Variants in RNF187 observed in about 807,000 individuals in gnomAD.
RNF187 encodes the protein E3 ubiquitin-protein ligase RNF187.
A neutral mutation model predicts 22.2 loss-of-function variants in RNF187; 18 were observed. The observed-to-expected ratio is 0.81, with a 90% CI of 0.56 to 1.20. The LOEUF (loss-of-function observed/expected upper bound fraction) is 1.20. Ranked by LOEUF, RNF187 falls within the 50% of genes most tolerant of loss-of-function variation. The pLI is 0.00. For missense variants in RNF187, 329 were observed against 317.6 expected (o/e 1.04, Z -0.27); for synonymous variants, 164 against 140.9 (o/e 1.16, Z -1.16).
chr1:228,493,793 C>G lies in RNF187; in HGVS notation c.706-90C>G. On this transcript the variant is annotated intron_variant, in intron 3 of 3. Coordinates refer to ENST00000305943, the MANE Select transcript of RNF187 (RefSeq NM_001010858.3). This position sits in a 1 kb window ranked among gnomAD's most constrained non-coding sequence, Gnocchi z 4.7. ...ATGCGCTGTCTCATGTGCGCTCTCTCTTTCGCTCTCTCCTTTTGCCTCTGT... is the reference window on the plus strand; with the variant it reads ...ATGCGCTGTCTCATGTGCGCTCTCTGTTTCGCTCTCTCCTTTTGCCTCTGT... 1 of 1,397,608 alleles carries G rather than the reference C, an allele frequency of 7.2e-7. No individual in the cohort carries two copies. Among genetic ancestry groups the G allele is most frequent in the South Asian group, 1.2e-5 (1 of 81,018 alleles). 86.6% of individuals were successfully genotyped at this position (1,397,608 alleles called of 1,614,324 possible).
chr1:228,488,952 C>T lies in RNF187; in HGVS notation c.391-8C>T. On this transcript the variant is annotated splice_polypyrimidine_tract_variant and splice_region_variant and intron_variant, in intron 1 of 3. Coordinates refer to ENST00000305943, the MANE Select transcript of RNF187 (RefSeq NM_001010858.3). ...TGCCCACCCCTGGTGACCTTCTTTT[C>T]TTTACAGGAGAACAAGGGGTCTGTG... 6.4e-7 allele frequency: 1 copy of T among 1,550,812 alleles called. No individual in the cohort carries two copies.
Position 228,493,824 on chromosome 1 carries a change from ACT to A in RNF187, c.706-56_706-55del. The A allele has an allele frequency of 6.5e-7, 1 of 1,528,344 alleles. No homozygotes were observed. Among genetic ancestry groups the A allele is most frequent in the Non-Finnish European group, 8.9e-7 (1 of 1,126,282 alleles). 94.7% of individuals were successfully genotyped at this position (1,528,344 alleles called of 1,614,324 possible). A position where few individuals can be genotyped will look rare whatever the true frequency, so the allele number is the denominator to read the frequency against. On this transcript the variant is annotated intron_variant, in intron 3 of 3. Transcript: ENST00000305943. The surrounding 1 kb of genome is among the most constrained non-coding windows in gnomAD (Gnocchi z 4.7). ...CTCTCTCCTTTTGCCTCTGTCTCTGACTCTGTGTGTCTCTTTCTCTTTTTGTC... is the reference window on the plus strand; with the variant it reads ...CTCTCTCCTTTTGCCTCTGTCTCTGACTGTGTGTCTCTTTCTCTTTTTGTC...
Position 228,493,778 on chromosome 1 carries a change from T to C in RNF187, c.706-105T>C. 8.1e-7 allele frequency: 1 copy of C among 1,232,106 alleles called. No homozygotes were observed. The highest frequency in any genetic ancestry group is 1.2e-6 in the Non-Finnish European group (1 of 857,356). 76.3% of individuals were successfully genotyped at this position (1,232,106 alleles called of 1,614,324 possible). A position where few individuals can be genotyped will look rare whatever the true frequency, so the allele number is the denominator to read the frequency against. On this transcript the variant is annotated intron_variant, in intron 3 of 3. Coordinates refer to ENST00000305943, the MANE Select transcript of RNF187 (RefSeq NM_001010858.3). The surrounding 1 kb of genome is among the most constrained non-coding windows in gnomAD (Gnocchi z 4.7). ...TCAGGACAGTACCTCATGCGCTGTC[T>C]CATGTGCGCTCTCTCTTTCGCTCTC...
chr1:228,487,422 C>T lies in RNF187; in HGVS notation c.-67C>T, dbSNP rs1658857750. On this transcript the variant is annotated 5_prime_UTR_variant, in exon 1 of 4. Coordinates refer to ENST00000305943, the MANE Select transcript of RNF187 (RefSeq NM_001010858.3). ...CTGTTGCTGGTCTCCGTCCGGTCGC[C>T]GGCCGTCTAGGTCTCCGGCCCTCCC... The T allele has an allele frequency of 3.7e-6, 4 of 1,081,976 alleles. No homozygotes were observed. Among genetic ancestry groups the T allele is most frequent in the South Asian group, 8.9e-5 (2 of 22,444 alleles). 67.0% of individuals were successfully genotyped at this position (1,081,976 alleles called of 1,614,324 possible).
chr1:228,492,964 G>A, intron 2 of RNF187, 89 bp from the exon 3 acceptor site: 2 of 1,379,328 alleles, frequency 1.4e-6, no homozygotes, highest in African/African-American at 1.5e-5. Flanking sequence ...GGAGTGGCAT[G>A]TTCTTAACTC....
In RNF187 at chr1:228,495,713, G is replaced by A; in HGVS notation, c.*1828G>A. On this transcript the variant is annotated 3_prime_UTR_variant, in exon 4 of 4. Transcript: ENST00000305943. ...TAGCTGACCAGCAACATCCCACCCT[G>A]TCAATCACAACCTCTTTCTATTTAA... 1 of 985,446 alleles carries A rather than the reference G, an allele frequency of 1.0e-6. No homozygotes were observed. Among genetic ancestry groups the A allele is most frequent in the African/African-American group, 1.7e-5 (1 of 57,204 alleles). 61.0% of individuals were successfully genotyped at this position (985,446 alleles called of 1,614,324 possible).
chr1:228,490,029 C>CT, intron 2 of RNF187, among the ~76,000 whole-genome samples: 23 of 152,218 alleles, frequency 1.5e-4, no homozygotes, highest in Admixed American at 1.4e-3. Context: ...CGTTTAAACT[C>CT]TATTTGGTGA....
intron 2 of RNF187, among the ~76,000 whole-genome samples, chr1:228,490,124 G>C: frequency 6.6e-6 from 1 of 152,230 alleles, no homozygotes; most frequent in Non-Finnish European, 1.5e-5. Flanking sequence ...CTGAAAGACA[G>C]AGTGCTTTTC....
Position 228,494,832 on chromosome 1 carries a change from C to T in RNF187, c.*947C>T. On this transcript the variant is annotated 3_prime_UTR_variant, in exon 4 of 4. Transcript: ENST00000305943. ...GACAGTTGTTGAGATTTGGGGATAG[C>T]CGGGCTTGTGAGCGGTGCCCATTTC... 1 of 985,476 alleles carries T rather than the reference C, an allele frequency of 1.0e-6. No individual in the cohort carries two copies. Among genetic ancestry groups the T allele is most frequent in the Non-Finnish European group, 1.2e-6 (1 of 829,978 alleles). The allele number at this position is 985,476 out of a possible 1,614,324, so 61.0% of individuals were successfully genotyped here. A position where few individuals can be genotyped will look rare whatever the true frequency, so the allele number is the denominator to read the frequency against.
Position 228,494,560 on chromosome 1 carries a change from TTCTC to T in RNF187, c.*677_*680del. On this transcript the variant is annotated 3_prime_UTR_variant, in exon 4 of 4. Coordinates refer to ENST00000305943, the MANE Select transcript of RNF187 (RefSeq NM_001010858.3). ...CCTGCCTCCGCAGAAGGAAGCCTCT[TTCTC>T]TGTTTCCCTGGGTGAGGGGGCTGGC... The T allele has an allele frequency of 2.0e-6, 2 of 985,812 alleles. No homozygotes were observed. Among genetic ancestry groups the T allele is most frequent in the East Asian group, 1.1e-4 (1 of 8,800 alleles). 61.1% of individuals were successfully genotyped at this position (985,812 alleles called of 1,614,324 possible). A position where few individuals can be genotyped will look rare whatever the true frequency, so the allele number is the denominator to read the frequency against.
Position 228,487,448 on chromosome 1 carries a change from C to T in RNF187, c.-41C>T. On this transcript the variant is annotated 5_prime_UTR_variant, in exon 1 of 4. Coordinates refer to ENST00000305943, the MANE Select transcript of RNF187 (RefSeq NM_001010858.3). The stretch of plus-strand genomic sequence containing the variant: ...GGCCGTCTAGGTCTCCGGCCCTCCC[C>T]AGCCGCTCCTGCGCCCTTGCCGGCC... 1 of 1,100,812 alleles carries T rather than the reference C, an allele frequency of 9.1e-7. No homozygotes were observed. Among genetic ancestry groups the T allele is most frequent in the Non-Finnish European group, 1.1e-6 (1 of 905,996 alleles). 68.2% of individuals were successfully genotyped at this position (1,100,812 alleles called of 1,614,324 possible).
chr1:228,495,633 A>T lies in RNF187; in HGVS notation c.*1748A>T. On this transcript the variant is annotated 3_prime_UTR_variant, in exon 4 of 4. Coordinates refer to ENST00000305943, the MANE Select transcript of RNF187 (RefSeq NM_001010858.3). ...TCCTGATGGCAGAGTCTCCCACAAC[A>T]TCAGTGTCTCCACATCACCAGGTCC... 8 of 985,384 alleles carry T rather than the reference A, an allele frequency of 8.1e-6. No individual in the cohort carries two copies. Among genetic ancestry groups the T allele is most frequent in the Non-Finnish European group, 9.6e-6 (8 of 829,950 alleles). The allele number at this position is 985,384 out of a possible 1,614,324, so 61.0% of individuals were successfully genotyped here.
Position 228,494,213 on chromosome 1 carries a change from T to C in RNF187, c.*328T>C. ...CCTGGTCACCCATCTGCCCCTCACC[T>C]CGTCATCCAGGGACCCAGACCCTGC... On this transcript the variant is annotated 3_prime_UTR_variant, in exon 4 of 4. Coordinates refer to ENST00000305943, the MANE Select transcript of RNF187 (RefSeq NM_001010858.3). 2.3e-6 allele frequency: 2 copies of C among 880,692 alleles called. No homozygotes were observed. Among genetic ancestry groups the C allele is most frequent in the Non-Finnish European group, 2.7e-6 (2 of 728,790 alleles). 54.6% of individuals were successfully genotyped at this position (880,692 alleles called of 1,614,324 possible).
At chr1:228,489,146 T>A in intron 2 of RNF187, 94 bp downstream of exon 2, 1 of 1,013,762 alleles carries the variant, frequency 9.9e-7, no homozygotes, top group Non-Finnish European at 1.5e-6. Flanking sequence ...GCCAGGCCTC[T>A]GAACTGCTCA....
rs140827310 is a variant in RNF187, at chr1:228,489,008, C to T, written c.439C>T (p.Arg147Trp). 3.9e-6 allele frequency: 6 copies of T among 1,550,600 alleles called. No homozygotes were observed. The highest frequency in any genetic ancestry group is 2.7e-5 in the African/African-American group (2 of 73,114). Residue 147 changes from arginine to tryptophan, a missense_variant, in exon 2 of 4, where the codon CGG becomes TGG. Coordinates refer to ENST00000305943, the MANE Select transcript of RNF187 (RefSeq NM_001010858.3). ...CATGAGAAAGGACTTGAATGACGCC[C>T]GGGACCTGCATGGCCAGGCAGAGTC...
intron 2 of RNF187, among the ~76,000 whole-genome samples, chr1:228,491,639 C>T: frequency 2.6e-5 from 4 of 151,952 alleles, no homozygotes; most frequent in African/African-American, 7.3e-5. Flanking sequence ...GGGGTTTCAC[C>T]ATGTTGGCCA....
At position 228,493,462 on chromosome 1, in the gene RNF187, A is replaced by G; in HGVS notation, c.705+188A>G. 6.6e-6 allele frequency among the ~76,000 whole-genome samples: 1 copy of G among 152,212 alleles called. No individual in the cohort carries two copies. Among genetic ancestry groups the G allele is most frequent in the African/African-American group, 2.4e-5 (1 of 41,460 alleles). On this transcript the variant is annotated intron_variant, in intron 3 of 3. Transcript: ENST00000305943. This position sits in a 1 kb window ranked among gnomAD's most constrained non-coding sequence, Gnocchi z 4.7. ...GGGAAGGTGATGGGAAGGGGTTTTA[A>G]GTTGAGGAGGGTCTGAGGTGTCCCT... is the stretch of plus-strand genomic sequence containing the variant.
chr1:228,494,514 A>AT lies in RNF187; in HGVS notation c.*629_*630insT. The AT allele has an allele frequency of 1.0e-6, 1 of 984,878 alleles. No individual in the cohort carries two copies. The allele number at this position is 984,878 out of a possible 1,614,324, so 61.0% of individuals were successfully genotyped here. A position where few individuals can be genotyped will look rare whatever the true frequency, so the allele number is the denominator to read the frequency against. ...CCCCCACCCCACTCCTGTGCCTCCC[A>AT]GGAGCCCTCCCTGTGCTCCACCTGC... On this transcript the variant is annotated 3_prime_UTR_variant, in exon 4 of 4. Transcript: ENST00000305943.
chr1:228,487,986 T>G, intron 1 of RNF187, 108 bp downstream of exon 1: 1 of 686,196 alleles, frequency 1.5e-6, no homozygotes, highest in African/African-American at 2.0e-5. Flanking sequence ...ACTGTTCCTG[T>G]CCCCGGATTG....
Sources: gnomAD v4.1 joint callset for allele counts (sites outside exome capture counted in the v4.1 genomes callset) on GRCh38, gnomAD v4.1.1 for gene constraint, Gnocchi (gnomAD v3.1) non-coding constraint, MANE v1.5 for transcripts, NCBI Gene and HGNC (gene_info 2026-07-23, HGNC 2026-07-21) for gene names.